The following CERT1 variants were observed in gnomAD, a reference collection of about 807,000 sequenced individuals.
CERT1 encodes the protein ceramide transporter 1, also known as ceramide transfer protein.
CERT1 carries 31 observed loss-of-function variants against 87.9 expected under a neutral mutation model. That is an observed-to-expected ratio of 0.35 (90% CI 0.27 to 0.48). The LOEUF (loss-of-function observed/expected upper bound fraction) is 0.48, where lower values mean the gene tolerates loss of function less well. Ranked by LOEUF, CERT1 falls within the 20% of genes least tolerant of loss-of-function variation. CERT1 has a pLI of 0.99. For missense variants in CERT1, 487 were observed against 758.0 expected (o/e 0.64, Z 4.20); for synonymous variants, 289 against 250.9 (o/e 1.15, Z -1.44).
At chr5:75,448,629 A>C (rs1212110781) in intron 3 of CERT1, among the ~76,000 whole-genome samples, 1 of 152,218 alleles carries the variant, frequency 6.6e-6, no homozygotes, top group African/African-American at 2.4e-5. Context: ...AACAGTTTAT[A>C]TTGCTGTCAA....
chr5:75,507,110 T>C (rs750720085), intron 1 of CERT1, among the ~76,000 whole-genome samples: 20 of 152,302 alleles, frequency 1.3e-4, no homozygotes, highest in Non-Finnish European at 2.8e-4. Context: ...TTGAGATTGA[T>C]TCACTTCTTA....
chr5:75,368,716 CCCT>C (rs1341019002), intron 17 of CERT1: 30 of 152,126 alleles, frequency 2.0e-4, no homozygotes, highest in African/African-American at 7.0e-4. Context: ...ATCTTTACTG[CCCT>C]CCTTTCTGTA....
At chr5:75,389,438 T>TTGCTTTTGC (rs1761943697) in intron 12 of CERT1, among the ~76,000 whole-genome samples, 154 bp downstream of exon 12, 1 of 152,202 alleles carries the variant, frequency 6.6e-6, no homozygotes, top group Non-Finnish European at 1.5e-5. Flanking sequence ...AAAAAGACAT[T>TTGCTTTTGC]TTATTGCTCA....
chr5:75,382,377 T>C (rs568687378), intron 14 of CERT1, among the ~76,000 whole-genome samples: 4 of 152,188 alleles, frequency 2.6e-5, no homozygotes, highest in Non-Finnish European at 5.9e-5. Flanking sequence ...CAGTGTTATG[T>C]AACCATATTG....
At chr5:75,437,714 T>G (rs897026497) in intron 3 of CERT1, among the ~76,000 whole-genome samples, 3 of 147,544 alleles carry the variant, frequency 2.0e-5, no homozygotes, top group Non-Finnish European at 4.5e-5. Flanking sequence ...TGCAGTAAGC[T>G]GGGATTGTAC....
In CERT1 at chr5:75,511,474, T is replaced by G. The variant is rs1767997953; in HGVS notation, c.-267A>C. ...GCCGCCGTCGCCGTGACCCCTGCGTTGCGCCCGGCGCTGCCACCCGAACTT... is the reference window on the plus strand; with the variant it reads ...GCCGCCGTCGCCGTGACCCCTGCGTGGCGCCCGGCGCTGCCACCCGAACTT... On this transcript the variant is annotated 5_prime_UTR_variant, in exon 1 of 17. Coordinates refer to ENST00000643780, the MANE Select transcript of CERT1 (RefSeq NM_001379029.1). 1 of 1,510,202 alleles carries G rather than the reference T, an allele frequency of 6.6e-7. No individual in the cohort carries two copies. The highest frequency in any genetic ancestry group is 1.3e-5 in the South Asian group (1 of 79,982). The allele number at this position is 1,510,202 out of a possible 1,614,324, so 93.6% of individuals were successfully genotyped here.
chr5:75,430,016 G>T (rs112989931), intron 3 of CERT1, among the ~76,000 whole-genome samples: 2,281 of 151,568 alleles, frequency 0.015, 32 homozygotes, highest in Middle Eastern at 0.041. Context: ...TGATGGATCT[G>T]GTCAAAATGG....
intron 3 of CERT1, among the ~76,000 whole-genome samples, chr5:75,454,483 TTTC>T (rs1480681899): frequency 3.3e-5 from 5 of 152,198 alleles, no homozygotes; most frequent in Admixed American, 2.0e-4. Context: ...TTCAAAAGAT[TTTC>T]TTATTTGAGT....
Position 75,384,672 on chromosome 5 carries a change from A to T in CERT1, c.1458T>A (p.Asp486Glu). The T allele has an allele frequency of 6.2e-7, 1 of 1,606,870 alleles. No individual in the cohort carries two copies. Among genetic ancestry groups the T allele is most frequent in the South Asian group, 1.1e-5 (1 of 90,882 alleles). Residue 486 changes from aspartate to glutamate, a missense_variant, in exon 14 of 17, where the codon GAT (aspartate) becomes GAA (glutamate). Coordinates refer to ENST00000643780, the MANE Select transcript of CERT1 (RefSeq NM_001379029.1). Reference sequence around the variant, plus strand: ...GTGTTTGATAAATGATGATTGCATTATCAGCTAATGTTTCCACCACATGAA... The same window carrying T: ...GTGTTTGATAAATGATGATTGCATTTTCAGCTAATGTTTCCACCACATGAA... ...ENFHVVETLADNAIIIYQTHK... is the reference protein window; with the variant it reads ...ENFHVVETLAENAIIIYQTHK...
intron 5 of CERT1, among the ~76,000 whole-genome samples, chr5:75,423,513 G>A (rs1763475439): frequency 6.6e-6 from 1 of 152,150 alleles, no homozygotes; most frequent in Non-Finnish European, 1.5e-5. Context: ...GTTGAGGTGG[G>A]AGAATCCCTT....
At chr5:75,371,748 G>A (rs1761091749) in intron 17 of CERT1, 1 of 152,214 alleles carries the variant, frequency 6.6e-6, no homozygotes, top group Non-Finnish European at 1.5e-5. Context: ...AAGAGTAACT[G>A]AGTAGAAAAG....
chr5:75,387,933 C>T (rs1450227996), intron 12 of CERT1, among the ~76,000 whole-genome samples: 2 of 152,084 alleles, frequency 1.3e-5, no homozygotes, highest in Non-Finnish European at 2.9e-5. Flanking sequence ...GGTAGAGGGA[C>T]GTCATCCAGA....
In CERT1 at chr5:75,433,869, T is replaced by C. The variant is rs375330192; in HGVS notation, c.349-7391A>G. ...TGATATTATACCCTGAATTTGTTTATTGGTTCTAGGAGCCTTTGGGCAGAG... is the reference window on the plus strand; with the variant it reads ...TGATATTATACCCTGAATTTGTTTACTGGTTCTAGGAGCCTTTGGGCAGAG... On this transcript the variant is annotated intron_variant, in intron 3 of 16. Transcript: ENST00000643780. Among the ~76,000 whole-genome samples the C allele has an allele frequency of 4.6e-5, 7 of 152,184 alleles. 1 individual carries two copies. The highest frequency in any genetic ancestry group is 4.6e-4 in the Admixed American group (7 of 15,282).
At chr5:75,368,935 C>CA (rs1296194195) in intron 17 of CERT1, 9 of 151,174 alleles carry the variant, frequency 6.0e-5, no homozygotes, top group African/African-American at 2.2e-4. Context: ...TTTTTGGAGA[C>CA]AGAGTCTTGC....
At chr5:75,426,837 A>T (rs971686391) in intron 3 of CERT1, among the ~76,000 whole-genome samples, 1 of 152,226 alleles carries the variant, frequency 6.6e-6, no homozygotes, top group Admixed American at 6.5e-5. Context: ...GGGAAGATAA[A>T]AAAGCTCTGA....
chr5:75,468,181 A>T (rs368867622), intron 2 of CERT1, among the ~76,000 whole-genome samples: 1 of 152,350 alleles, frequency 6.6e-6, no homozygotes, highest in Admixed American at 6.5e-5. Context: ...CCCTGTGGAA[A>T]CATCATTTTG....
At chr5:75,437,738 C>G (rs1764154187) in intron 3 of CERT1, among the ~76,000 whole-genome samples, 1 of 148,132 alleles carries the variant, frequency 6.8e-6, no homozygotes, top group African/African-American at 2.5e-5. Flanking sequence ...TGCACTCCAG[C>G]CTGGGCAACA....
chr5:75,436,853 C>T (rs981756524), intron 3 of CERT1, among the ~76,000 whole-genome samples: 6 of 152,148 alleles, frequency 3.9e-5, no homozygotes, highest in African/African-American at 7.2e-5. Flanking sequence ...GCAGGAGCCT[C>T]GATCTCACAG....
intron 2 of CERT1, among the ~76,000 whole-genome samples, chr5:75,479,873 T>A (rs1045210231): frequency 3.9e-5 from 6 of 152,204 alleles, no homozygotes; most frequent in Non-Finnish European, 8.8e-5. Context: ...CCATACTGCT[T>A]TCCACAATGG....
Sources: gnomAD v4.1 joint callset for allele counts (sites outside exome capture counted in the v4.1 genomes callset) on GRCh38, gnomAD v4.1.1 for gene constraint, MANE v1.5 for transcripts, NCBI Gene and HGNC (gene_info 2026-07-23, HGNC 2026-07-21) for gene names.